The following RNF34 variants were observed in gnomAD, a reference collection of about 807,000 sequenced individuals.
RNF34 encodes the protein E3 ubiquitin-protein ligase RNF34.
Under a neutral mutation model 37.9 loss-of-function variants are expected in RNF34, and 12 were observed. That is an observed-to-expected ratio of 0.32 (90% CI 0.20 to 0.51). RNF34 has a LOEUF of 0.51. Among genes scored for constraint, RNF34 ranks in the 20% least tolerant of loss-of-function variants. RNF34 has a pLI of 0.97. For synonymous variants in RNF34, 155 were observed against 177.2 expected (o/e 0.87, Z 1.00); for missense variants, 362 against 472.7 (o/e 0.77, Z 2.17).
chr12:121,413,085 G>A (rs1487415024), intron 1 of RNF34, among the ~76,000 whole-genome samples: 1 of 151,696 alleles, frequency 6.6e-6, no homozygotes, highest in Admixed American at 6.6e-5. Context: ...GAGTGCAATG[G>A]TGCGATCTAG....
chr12:121,411,455 C>T (rs1050691999), intron 1 of RNF34, among the ~76,000 whole-genome samples: 1 of 151,978 alleles, frequency 6.6e-6, no homozygotes, highest in African/African-American at 2.4e-5. Context: ...AATTTTCAGC[C>T]TAGAATTTTA....
At chr12:121,420,984 A>T (rs556378668) in intron 5 of RNF34, among the ~76,000 whole-genome samples, 1 of 152,168 alleles carries the variant, frequency 6.6e-6, no homozygotes, top group Non-Finnish European at 1.5e-5. Flanking sequence ...CGAGACCACC[A>T]CTGCCAAGTG....
At chr12:121,403,265 G>A (rs559487139) in intron 1 of RNF34, among the ~76,000 whole-genome samples, 8 of 151,958 alleles carry the variant, frequency 5.3e-5, no homozygotes, top group East Asian at 1.9e-4. Context: ...ATGTGGTGGC[G>A]GGCGCCTGTA....
intron 1 of RNF34, among the ~76,000 whole-genome samples, chr12:121,403,965 T>C (rs1870252484): frequency 6.6e-6 from 1 of 152,084 alleles, no homozygotes; most frequent in Admixed American, 6.6e-5. Context: ...ATTACCTTGC[T>C]ATTTACCTAG....
At position 121,416,204 on chromosome 12, in the gene RNF34, G is replaced by A. The variant is rs782138638; in HGVS notation, c.52G>A (p.Glu18Lys). The A allele has an allele frequency of 2.3e-5, 37 of 1,614,144 alleles. No individual in the cohort carries two copies. Among genetic ancestry groups the A allele is most frequent in the Non-Finnish European group, 3.1e-5 (37 of 1,180,030 alleles). The change falls in exon 2 of 6, where the codon GAA becomes AAA. Residue 18 changes from glutamate to lysine, a missense_variant. Transcript: ENST00000361234. ...GGCTTCGTGCTGTGGGCTGCTGAAT[G>A]AAGTCATGGGAACTGGAGCTGTCAG... is the stretch of plus-strand genomic sequence containing the variant. ...MWASCCGLLN[E>K]VMGTGAVRGQ...
At chr12:121,402,783 A>C in intron 1 of RNF34, 1 of 1,609,368 alleles carries the variant, frequency 6.2e-7, no homozygotes, top group South Asian at 1.1e-5. Flanking sequence ...TGTTAAAAGA[A>C]AACAAAAACC....
At chr12:121,411,236 A>G (rs1159491930) in intron 1 of RNF34, among the ~76,000 whole-genome samples, 1 of 151,970 alleles carries the variant, frequency 6.6e-6, no homozygotes, top group Non-Finnish European at 1.5e-5. Context: ...CCTGTTTTTA[A>G]TTTTTTATTT....
chr12:121,421,630 C>T (rs570806194), intron 5 of RNF34, among the ~76,000 whole-genome samples: 9 of 152,058 alleles, frequency 5.9e-5, no homozygotes, highest in East Asian at 3.9e-4. Flanking sequence ...GATCAAGCCA[C>T]GGAACATTTA....
At chr12:121,415,409 C>A in intron 1 of RNF34, 1 of 243,996 alleles carries the variant, frequency 4.1e-6, no homozygotes, top group South Asian at 3.9e-5. Context: ...TCACTTGAGG[C>A]CACGCATCTG....
chr12:121,420,813 T>A, intron 5 of RNF34, 35 bp downstream of exon 5: 1 of 1,535,658 alleles, frequency 6.5e-7, no homozygotes, highest in Non-Finnish European at 9.0e-7. Context: ...CCTGTAGTAT[T>A]TTTCCTTAGG....
chr12:121,402,513 T>C (rs1348865026), intron 1 of RNF34, among the ~76,000 whole-genome samples: 1 of 152,024 alleles, frequency 6.6e-6, no homozygotes, highest in African/African-American at 2.4e-5. Flanking sequence ...CTCAAGTAAC[T>C]TTTTAACCTT....
In RNF34 at chr12:121,423,586, C is replaced by T. The variant is rs782112773; in HGVS notation, c.*10C>T. ...CGTGTTCAAGTCCTGAAACAGGCTC[C>T]CCTCACCAGGACAGTCACCCCCAAA... On this transcript the variant is annotated 3_prime_UTR_variant, in exon 6 of 6. Coordinates refer to ENST00000361234, the MANE Select transcript of RNF34 (RefSeq NM_025126.4). The surrounding 1 kb of genome is among the most constrained non-coding windows in gnomAD (Gnocchi z 4.3). 1 of 1,610,118 alleles carries T rather than the reference C, an allele frequency of 6.2e-7. No homozygotes were observed. The highest frequency in any genetic ancestry group is 8.5e-7 in the Non-Finnish European group (1 of 1,177,412).
intron 3 of RNF34, chr12:121,418,751 C>T (rs1052369623): frequency 1.3e-5 from 2 of 152,142 alleles, no homozygotes; most frequent in Admixed American, 6.5e-5. Context: ...GGCAGAGTCT[C>T]ACTCTGTTGC....
At chr12:121,410,365 C>T (rs1870936463) in intron 1 of RNF34, among the ~76,000 whole-genome samples, 2 of 151,868 alleles carry the variant, frequency 1.3e-5, no homozygotes, top group Non-Finnish European at 2.9e-5. Context: ...GGTGAAACCC[C>T]GTCTCTACTA....
chr12:121,402,878 ATTACATT>A, intron 1 of RNF34: 1 of 1,156,038 alleles, frequency 8.7e-7, no homozygotes, highest in East Asian at 2.3e-5. Flanking sequence ...GTCTAAAAGT[ATTACATT>A]TTAGAGTTCA....
At chr12:121,413,020 A>T (rs567057952) in intron 1 of RNF34, among the ~76,000 whole-genome samples, 1 of 133,730 alleles carries the variant, frequency 7.5e-6, no homozygotes, top group Non-Finnish European at 1.6e-5. Context: ...TGCCCAGGCT[A>T]TTTTTTTTTT....
Position 121,424,288 on chromosome 12 carries a change from G to C in RNF34, c.*712G>C, listed in dbSNP as rs965061752. On this transcript the variant is annotated 3_prime_UTR_variant, in exon 6 of 6. Coordinates refer to ENST00000361234, the MANE Select transcript of RNF34 (RefSeq NM_025126.4). ...TTACATTGTTTTGTATAGTGAAGGT[G>C]TATTTTCAGTGCTACCCGCTAGCTG... The C allele has an allele frequency of 3.3e-5, 5 of 152,646 alleles. No individual in the cohort carries two copies. The highest frequency in any genetic ancestry group is 1.2e-4 in the African/African-American group (5 of 41,446). The allele number at this position is 152,646 out of a possible 1,614,324, so 9.5% of individuals were successfully genotyped here.
rs79540358 is a variant in RNF34, at chr12:121,406,283, A to AGTTGTTGTTGTT, written c.6+6075_6+6086dup. Among the ~76,000 whole-genome samples, 703 of 150,556 alleles carry AGTTGTTGTTGTT rather than the reference A, an allele frequency of 4.7e-3. 7 individuals carry two copies. The highest frequency in any genetic ancestry group is 0.02 in the Middle Eastern group (6 of 294). ...TTGATTTCTTATTATGGAATGTGTA[A>AGTTGTTGTTGTT]GTTGTTGTTGTTGTTGTTGTTTGAG... On this transcript the variant is annotated intron_variant, in intron 1 of 5. Transcript: ENST00000361234.
At chr12:121,408,813 C>T (rs183786304) in intron 1 of RNF34, among the ~76,000 whole-genome samples, 12 of 152,190 alleles carry the variant, frequency 7.9e-5, no homozygotes, top group Middle Eastern at 3.4e-3. Context: ...CACAAGAAAA[C>T]GTGCAGAGGA....
Sources: allele counts gnomAD v4.1 joint callset (sites outside exome capture counted in the v4.1 genomes callset), GRCh38; gene constraint gnomAD v4.1.1; non-coding constraint Gnocchi (gnomAD v3.1); transcripts MANE v1.5; gene names NCBI Gene and HGNC (gene_info 2026-07-23, HGNC 2026-07-21).